Variants in RIN3 observed in about 807,000 individuals in gnomAD.
The protein encoded by RIN3 is RAB5 interacting protein 3.
A neutral mutation model predicts 76.3 loss-of-function variants in RIN3; 54 were observed. The observed-to-expected ratio is 0.71, with a 90% CI of 0.57 to 0.89. RIN3 has a LOEUF of 0.89. Ranked by LOEUF, RIN3 falls within the 40% of genes least tolerant of loss-of-function variation. RIN3 has a pLI of 0.00. For synonymous variants in RIN3, 576 were observed against 564.0 expected (o/e 1.02, Z -0.30); for missense variants, 1,256 against 1,322.1 (o/e 0.95, Z 0.78).
chr14:92,685,103 C>A lies in RIN3; in HGVS notation c.2584C>A (p.Arg862Ser), dbSNP rs539718901. Residue 862 changes from arginine to serine, a missense_variant, in exon 9 of 10, where the codon CGC becomes AGC. Physicochemically the swap from Arg to Ser is moderately radical, Grantham distance 110. Around this residue, in one of 3 missense-constraint regions of RIN3, gnomAD observed 428 missense variants for 521.2 expected, o/e 0.82. Coordinates refer to ENST00000216487, the MANE Select transcript of RIN3 (RefSeq NM_024832.5). The surrounding 1 kb of genome is among the most constrained non-coding windows in gnomAD (Gnocchi z 4.7). ...GCAGGACTCCATCCACCGCTGGGAG[C>A]GCCGGCGTACTCTCAACAAGGCCCG... ...EVQDSIHRWE[R>S]RRTLNKARAS... is the part of the protein sequence containing the mutation. 8 of 1,613,588 alleles carry A rather than the reference C, an allele frequency of 5.0e-6. No individual in the cohort carries two copies. The highest frequency in any genetic ancestry group is 5.1e-6 in the Non-Finnish European group (6 of 1,179,868).
chr14:92,592,126 G>A (rs1156796416), intron 3 of RIN3, among the ~76,000 whole-genome samples: 1 of 152,164 alleles, frequency 6.6e-6, no homozygotes, highest in Non-Finnish European at 1.5e-5. Flanking sequence ...AGTTGATCAG[G>A]TGCAGTGGCT....
intron 3 of RIN3, among the ~76,000 whole-genome samples, chr14:92,594,250 T>C (rs2140080740): frequency 6.6e-6 from 1 of 152,184 alleles, no homozygotes; most frequent in East Asian, 1.9e-4. Flanking sequence ...CTGACTAATA[T>C]GGAGAAACCC....
Position 92,659,336 on chromosome 14 carries a change from G to A in RIN3, c.2202G>A (p.Pro734=), listed in dbSNP as rs764719800. ...ACCTAGGTGTGACCACCAGCGTGCC[G>A]GAGGTGCCCATGATGGAGAAGATCC... ...TTDLGVTTSV[P]EVPMMEKILQ... is the part of the protein sequence containing the mutation. Residue 734 remains proline (P), a synonymous_variant, in exon 7 of 10, where the codon CCG becomes CCA. Coordinates refer to ENST00000216487, the MANE Select transcript of RIN3 (RefSeq NM_024832.5). The A allele has an allele frequency of 5.1e-5, 83 of 1,612,124 alleles. 1 individual carries two copies. Among genetic ancestry groups the A allele is most frequent in the South Asian group, 4.1e-4 (37 of 90,830 alleles).
chr14:92,517,576 C>G (rs1208348767), intron 1 of RIN3, among the ~76,000 whole-genome samples: 1 of 152,118 alleles, frequency 6.6e-6, no homozygotes, highest in Non-Finnish European at 1.5e-5. Flanking sequence ...CATGCGTTAT[C>G]ATCTTGTTAT....
chr14:92,554,932 T>A (rs1001860785), intron 1 of RIN3, among the ~76,000 whole-genome samples: 2 of 151,788 alleles, frequency 1.3e-5, no homozygotes, highest in Non-Finnish European at 2.9e-5. Context: ...CAAAAAAAAA[T>A]TATACTAACT....
chr14:92,676,605 G>A lies in RIN3; in HGVS notation c.2466G>A (p.Glu822=). The change falls in exon 8 of 10, where the codon GAG becomes GAA. Residue 822 remains glutamate, a splice_region_variant and synonymous_variant. Coordinates refer to ENST00000216487, the MANE Select transcript of RIN3 (RefSeq NM_024832.5). ...TGGACCCCGCCCTGCAGCTGGGGGAGGGTGAGTCACCACCCCCTGCCCATC... is the reference window on the plus strand; with the variant it reads ...TGGACCCCGCCCTGCAGCTGGGGGAAGGTGAGTCACCACCCCCTGCCCATC... ...ELMDPALQLG[E]GSYYLTTTYG... is the part of the protein sequence containing the mutation. 3 of 1,612,910 alleles carry A rather than the reference G, an allele frequency of 1.9e-6. No individual in the cohort carries two copies. The highest frequency in any genetic ancestry group is 2.5e-6 in the Non-Finnish European group (3 of 1,179,476).
At chr14:92,536,819 G>T (rs1241578282) in intron 1 of RIN3, among the ~76,000 whole-genome samples, 1 of 151,086 alleles carries the variant, frequency 6.6e-6, no homozygotes. Flanking sequence ...TAGCCCTACT[G>T]ACTATGTCTT....
rs1326156825 is a variant in RIN3, at chr14:92,684,724, TAAGC to T, written c.2468-259_2468-256del. On this transcript the variant is annotated intron_variant, in intron 8 of 9. Coordinates refer to ENST00000216487, the MANE Select transcript of RIN3 (RefSeq NM_024832.5). ...ATTGTTTTAAAAATCATTTTTTAAA[TAAGC>T]AAGAGTTTCGTCCCCAAGGGGAGCC... Among the ~76,000 whole-genome samples, 3 of 152,276 alleles carry T rather than the reference TAAGC, an allele frequency of 2.0e-5. No individual in the cohort carries two copies. The South Asian group carries it at 6.2e-4, about 32-fold the overall frequency.
chr14:92,625,720 G>A (rs576086188), intron 4 of RIN3, among the ~76,000 whole-genome samples: 109 of 152,260 alleles, frequency 7.2e-4, no homozygotes, highest in African/African-American at 2.5e-3. Context: ...GTCTGGGTCC[G>A]CTAGTTGGAG....
chr14:92,669,430 C>G (rs1406155602), intron 7 of RIN3, among the ~76,000 whole-genome samples: 1 of 152,156 alleles, frequency 6.6e-6, no homozygotes, highest in Non-Finnish European at 1.5e-5. Flanking sequence ...AATGCCAGGA[C>G]TGGGGAGAGC....
intron 3 of RIN3, among the ~76,000 whole-genome samples, chr14:92,613,639 A>T (rs113632727): frequency 7.8e-4 from 119 of 152,252 alleles, no homozygotes; most frequent in Middle Eastern, 3.4e-3. Context: ...CCGCAAACTG[A>T]TGTCACCTAT....
intron 1 of RIN3, among the ~76,000 whole-genome samples, chr14:92,555,349 G>T (rs1000296387): frequency 6.6e-6 from 1 of 152,004 alleles, no homozygotes; most frequent in African/African-American, 2.4e-5. Context: ...CTCAAGTCTT[G>T]GGTCTCACAG....
intron 3 of RIN3, 77 bp from the exon 4 acceptor site, chr14:92,615,330 C>T (rs1022625605): frequency 1.3e-5 from 16 of 1,256,152 alleles, no homozygotes; most frequent in Admixed American, 1.7e-5. Flanking sequence ...CCCCCGACCC[C>T]ATCCTTGCCA....
intron 2 of RIN3, among the ~76,000 whole-genome samples, chr14:92,561,153 A>ATATATATT (rs1566843457): frequency 2.4e-5 from 3 of 127,066 alleles, no homozygotes; most frequent in African/African-American, 8.5e-5. Context: ...ATTTTTATAT[A>ATATATATT]TATATTTATA....
At chr14:92,558,494 C>A (rs1212991089) in intron 2 of RIN3, among the ~76,000 whole-genome samples, 2 of 152,228 alleles carry the variant, frequency 1.3e-5, no homozygotes, top group Non-Finnish European at 1.5e-5. Flanking sequence ...CCATTATACC[C>A]ATTTCACAGA....
chr14:92,550,804 C>T (rs10137524), intron 1 of RIN3, among the ~76,000 whole-genome samples: 42,562 of 152,076 alleles, frequency 0.28, 6,569 homozygotes, highest in Middle Eastern at 0.4. Context: ...CAGCCTGCAT[C>T]CAAACCCAAG....
rs1478426661 is a variant in RIN3, at chr14:92,568,083, G to A, written c.250-9277G>A. Among the ~76,000 whole-genome samples, 2 of 151,996 alleles carry A rather than the reference G, an allele frequency of 1.3e-5. No individual in the cohort carries two copies. The highest frequency in any genetic ancestry group is 4.8e-5 in the African/African-American group (2 of 41,308). On this transcript the variant is annotated intron_variant, in intron 2 of 9. Transcript: ENST00000216487. The surrounding 1 kb of genome is among the most constrained non-coding windows in gnomAD (Gnocchi z 4.2). ...AAAGTAACTTGCCCACGGCTGGTGAGGGGCAGAGGTAGTATTTGTGTTTCA... is the reference window on the plus strand; with the variant it reads ...AAAGTAACTTGCCCACGGCTGGTGAAGGGCAGAGGTAGTATTTGTGTTTCA...
intron 6 of RIN3, among the ~76,000 whole-genome samples, chr14:92,655,179 TAAA>T (rs199940795): frequency 7.3e-6 from 1 of 136,520 alleles, no homozygotes; most frequent in African/African-American, 2.7e-5. Context: ...AAATAAAAGT[TAAA>T]AAAAAAAATA....
intron 2 of RIN3, among the ~76,000 whole-genome samples, chr14:92,558,871 T>A (rs12889315): frequency 6.9e-6 from 1 of 144,810 alleles, no homozygotes; most frequent in Non-Finnish European, 1.5e-5. Context: ...CTTCCTTTTG[T>A]TTTTTCTTTT....
Sources: gnomAD v4.1 joint callset for allele counts (sites outside exome capture counted in the v4.1 genomes callset) on GRCh38, gnomAD v4.1.1 for gene constraint, gnomAD v4.1.1 regional missense constraint, Gnocchi (gnomAD v3.1) non-coding constraint, MANE v1.5 for transcripts, NCBI Gene and HGNC (gene_info 2026-07-23, HGNC 2026-07-21) for gene names.